DAB1: variants seen among roughly 807,000 people sequenced by gnomAD.
DAB1 encodes the protein disabled homolog 1.
In DAB1, 15 loss-of-function variants were observed where a neutral mutation model predicts 64.6. The observed-to-expected ratio is 0.23, with a 90% CI of 0.16 to 0.36. The LOEUF (loss-of-function observed/expected upper bound fraction) is 0.36. Ranked by LOEUF, DAB1 falls within the 10% of genes least tolerant of loss-of-function variation. DAB1 has a pLI of 1.00. For synonymous variants in DAB1, 235 were observed against 251.9 expected (o/e 0.93, Z 0.64); for missense variants, 596 against 706.7 (o/e 0.84, Z 1.78).
intron 6 of DAB1, among the ~76,000 whole-genome samples, chr1:57,723,797 G>A (rs947634224): frequency 1.3e-4 from 20 of 152,136 alleles, no homozygotes; most frequent in African/African-American, 4.8e-4. Context: ...TCAGGGTTCT[G>A]TTAGGAATGT....
chr1:58,113,596 G>T (rs1652119052), intron 5 of DAB1, among the ~76,000 whole-genome samples: 1 of 152,102 alleles, frequency 6.6e-6, no homozygotes, highest in Non-Finnish European at 1.5e-5. Flanking sequence ...ATCCCTGGAG[G>T]GTTTTTGTAA....
chr1:57,568,434 A>G (rs1307499026), intron 7 of DAB1, among the ~76,000 whole-genome samples: 2 of 152,256 alleles, frequency 1.3e-5, no homozygotes, highest in Admixed American at 6.5e-5. Context: ...ATGGGATCGA[A>G]TTAAACTAAA....
intron 1 of DAB1, among the ~76,000 whole-genome samples, chr1:57,321,415 A>T (rs1352634798): frequency 6.6e-6 from 1 of 152,098 alleles, no homozygotes; most frequent in East Asian, 1.9e-4. Context: ...TTACCAACCC[A>T]GTGGCATCAA....
intron 7 of DAB1, among the ~76,000 whole-genome samples, chr1:57,589,088 T>A (rs1436756215): frequency 6.6e-6 from 1 of 152,000 alleles, no homozygotes; most frequent in Admixed American, 6.6e-5. Flanking sequence ...ATACAAAAAA[T>A]TAGCTAACAC....
intron 6 of DAB1, among the ~76,000 whole-genome samples, chr1:57,752,893 T>C (rs952920112): frequency 4.6e-5 from 7 of 152,148 alleles, no homozygotes; most frequent in African/African-American, 1.7e-4. Flanking sequence ...CTTCCTTCCT[T>C]CCAAACAAGA....
intron 4 of DAB1, among the ~76,000 whole-genome samples, chr1:58,194,951 G>T (rs1657592007): frequency 6.6e-6 from 1 of 152,218 alleles, no homozygotes. Flanking sequence ...AAGAGGAAAT[G>T]ATGTACTTTC....
chr1:58,104,576 G>A (rs541152619), intron 5 of DAB1, among the ~76,000 whole-genome samples: 5 of 151,998 alleles, frequency 3.3e-5, no homozygotes, highest in Non-Finnish European at 5.9e-5. Flanking sequence ...TGAGACAGCC[G>A]GTTCAGAAAC....
chr1:58,488,918 T>C (rs1474280168), intron 3 of DAB1, among the ~76,000 whole-genome samples: 1 of 152,242 alleles, frequency 6.6e-6, no homozygotes, highest in Non-Finnish European at 1.5e-5. Context: ...AGTTTTATGA[T>C]CAATATTTTC....
chr1:58,471,288 G>A (rs192206198), intron 3 of DAB1, among the ~76,000 whole-genome samples: 67 of 152,210 alleles, frequency 4.4e-4, no homozygotes, highest in Non-Finnish European at 8.8e-4. Flanking sequence ...AAACAAACAA[G>A]CAAAACAGAC....
At chr1:57,803,224 G>T (rs1297914183) in intron 6 of DAB1, among the ~76,000 whole-genome samples, 1 of 152,210 alleles carries the variant, frequency 6.6e-6, no homozygotes, top group Non-Finnish European at 1.5e-5. Flanking sequence ...CTTGCAAATT[G>T]TAGTGAACTG....
At chr1:58,118,937 A>G (rs1035522577) in intron 5 of DAB1, among the ~76,000 whole-genome samples, 1 of 151,740 alleles carries the variant, frequency 6.6e-6, no homozygotes, top group African/African-American at 2.4e-5. Context: ...CCATCCAGTA[A>G]GCTAGCCACT....
chr1:58,375,742 G>C (rs1318998083), intron 3 of DAB1, among the ~76,000 whole-genome samples: 1 of 142,528 alleles, frequency 7.0e-6, no homozygotes, highest in Non-Finnish European at 1.6e-5. Context: ...GATTGGAATA[G>C]TTTCAGAAGG....
At chr1:57,020,962 A>G (rs1646597223) in intron 11 of DAB1, among the ~76,000 whole-genome samples, 1 of 152,108 alleles carries the variant, frequency 6.6e-6, no homozygotes, top group Non-Finnish European at 1.5e-5. Context: ...TGTATCACAT[A>G]CTCCAGTTCA....
chr1:58,268,019 C>T (rs930993813), intron 4 of DAB1, among the ~76,000 whole-genome samples: 2 of 152,092 alleles, frequency 1.3e-5, no homozygotes, highest in South Asian at 2.1e-4. Context: ...ATCTCATTGT[C>T]GCAGAGGAGA....
intron 2 of DAB1, among the ~76,000 whole-genome samples, chr1:57,265,199 T>TCTC (rs1670496613): frequency 1.3e-5 from 2 of 152,280 alleles, no homozygotes; most frequent in Non-Finnish European, 2.9e-5. Flanking sequence ...TCTCAAAGCA[T>TCTC]CTCATTCACC....
At chr1:58,251,183 A>G (rs1224471215) in intron 4 of DAB1, among the ~76,000 whole-genome samples, 1 of 152,222 alleles carries the variant, frequency 6.6e-6, no homozygotes, top group Non-Finnish European at 1.5e-5. Context: ...TTCTTCCTTC[A>G]TCTGATGCAG....
intron 6 of DAB1, among the ~76,000 whole-genome samples, chr1:57,731,398 G>T (rs1309853062): frequency 6.6e-6 from 1 of 152,022 alleles, no homozygotes; most frequent in African/African-American, 2.4e-5. Context: ...GTTGGAAGGT[G>T]GTGATGGTCA....
Position 58,155,753 on chromosome 1 carries a change from G to A in DAB1, n.310-5165C>T, listed in dbSNP as rs79892758. Among the ~76,000 whole-genome samples, 760 of 152,354 alleles carry A rather than the reference G, an allele frequency of 5.0e-3. 10 individuals are homozygous for A. Among genetic ancestry groups the A allele is most frequent in the African/African-American group, 0.017 (724 of 41,588 alleles). On this transcript the variant is annotated intron_variant and non_coding_transcript_variant, in intron 4 of 20. Transcript: ENST00000485760. ...AGAAAGACTCAGTAGCCAGGAGTGC[G>A]TGAAGCAATGCCTGGCACGTTGCAG...
At chr1:57,307,040 C>T (rs1256038182) in intron 1 of DAB1, 1 of 152,210 alleles carries the variant, frequency 6.6e-6, no homozygotes, top group Admixed American at 6.5e-5. Flanking sequence ...AGGAAGACAA[C>T]AAACCTTGTC....
Sources: gnomAD v4.1 joint callset for allele counts (sites outside exome capture counted in the v4.1 genomes callset) on GRCh38, gnomAD v4.1.1 for gene constraint, MANE v1.5 for transcripts, NCBI Gene and HGNC (gene_info 2026-07-23, HGNC 2026-07-21) for gene names.